The following USP34 variants were observed in gnomAD, a reference collection of about 807,000 sequenced individuals.
USP34 encodes ubiquitin carboxyl-terminal hydrolase 34.
USP34 carries 70 observed loss-of-function variants against 460.3 expected under a neutral mutation model. The ratio of observed to expected loss-of-function variants is 0.15; its 90% CI spans 0.13 to 0.19. The LOEUF is 0.19. Ranked by LOEUF, USP34 falls within the 10% of genes least tolerant of loss-of-function variation. USP34 has a pLI of 1.00. For missense variants in USP34, 3,985 were observed against 4,236.2 expected (o/e 0.94, Z 1.65); for synonymous variants, 1,647 against 1,405.3 (o/e 1.17, Z -3.85).
Position 61,301,449 on chromosome 2 carries a change from G to C in USP34, c.3823C>G (p.Leu1275Val). The part of the protein sequence containing the change: ...SNRKGEFPGG[L>V]MGPVRMISSG... ...GAAATCATCCTGACAGGTCCCATGA[G>C]GCCTCCTTAAAAACAGCAAAACATG... Residue 1275 changes from leucine to valine, a missense_variant, in exon 28 of 80, where the codon CTC (leucine) becomes GTC (valine). Physicochemically the swap from Leu to Val is conservative, Grantham distance 32. This residue lies in a region of USP34 where 1,114 missense variants were observed against 1,122.5 expected (regional missense o/e 0.99). Transcript: ENST00000398571. The C allele has an allele frequency of 6.2e-7, 1 of 1,609,202 alleles. No individual in the cohort carries two copies. Among genetic ancestry groups the C allele is most frequent in the Admixed American group, 1.7e-5 (1 of 58,794 alleles).
Position 61,214,660 on chromosome 2 carries a change from G to A in USP34, c.8082C>T (p.Ser2694=), listed in dbSNP as rs1687351500. ...AAYLLVSLIP[S]NSFRQMFRST... is the part of the protein sequence containing the mutation. Reference sequence around the variant, plus strand: ...ACCGGAACATCTGACGGAATGAATTGCTTGGTATAAGGGACACCAGAAGAT... The same window carrying A: ...ACCGGAACATCTGACGGAATGAATTACTTGGTATAAGGGACACCAGAAGAT... Residue 2694 remains serine, a synonymous_variant, in exon 68 of 80, where the codon AGC becomes AGT. Transcript: ENST00000398571. The A allele has an allele frequency of 6.2e-7, 1 of 1,614,188 alleles. No individual in the cohort carries two copies. Among genetic ancestry groups the A allele is most frequent in the Non-Finnish European group, 8.5e-7 (1 of 1,180,022 alleles).
chr2:61,428,297 A>T (rs949769944), intron 1 of USP34, among the ~76,000 whole-genome samples: 1 of 152,114 alleles, frequency 6.6e-6, no homozygotes, highest in African/African-American at 2.4e-5. Context: ...GTCATTGAAA[A>T]CTGGTTAACA....
intron 3 of USP34, among the ~76,000 whole-genome samples, chr2:61,403,726 G>A (rs563251359): frequency 5.3e-4 from 81 of 152,098 alleles, no homozygotes; most frequent in African/African-American, 1.8e-3. Flanking sequence ...AGCGGCTCAC[G>A]CCTGTAATCC....
At chr2:61,198,173 A>G (rs1686862874) in intron 75 of USP34, among the ~76,000 whole-genome samples, 1 of 152,242 alleles carries the variant, frequency 6.6e-6, no homozygotes, top group Admixed American at 6.5e-5. Flanking sequence ...AAATGAAAGC[A>G]TTCTATAATT....
chr2:61,306,501 C>T (rs1194953992), intron 27 of USP34, among the ~76,000 whole-genome samples: 1 of 152,160 alleles, frequency 6.6e-6, no homozygotes. Flanking sequence ...AGTCAGGTAG[C>T]ATGATGCCTC....
chr2:61,297,492 A>C (rs571838105), intron 29 of USP34, among the ~76,000 whole-genome samples: 23 of 152,362 alleles, frequency 1.5e-4, no homozygotes, highest in Admixed American at 3.3e-4. Context: ...TAAGCTAAAC[A>C]ACGTTTCAAA....
intron 44 of USP34, among the ~76,000 whole-genome samples, chr2:61,259,438 A>G (rs1454681599): frequency 6.6e-6 from 1 of 151,388 alleles, no homozygotes; most frequent in African/African-American, 2.4e-5. Context: ...CCTAGACTCG[A>G]GTGCAGTAGT....
intron 27 of USP34, among the ~76,000 whole-genome samples, chr2:61,306,258 G>A (rs887475385): frequency 1.6e-4 from 25 of 152,180 alleles, no homozygotes; most frequent in Non-Finnish European, 1.5e-5. Context: ...AAGGTGTAAG[G>A]AAGGGATCCA....
At chr2:61,378,191 G>C (rs1198053169) in intron 8 of USP34, among the ~76,000 whole-genome samples, 172 bp downstream of exon 8, 3 of 152,070 alleles carry the variant, frequency 2.0e-5, no homozygotes, top group Non-Finnish European at 4.4e-5. Flanking sequence ...GAGGGAGAGT[G>C]AGTTATGTTA....
chr2:61,296,708 G>A (rs1416420816), intron 30 of USP34, 92 bp downstream of exon 30: 1 of 1,310,908 alleles, frequency 7.6e-7, no homozygotes, highest in Non-Finnish European at 1.0e-6. Flanking sequence ...CAGATTTACT[G>A]AGGGTACATC....
At chr2:61,280,112 G>A in intron 39 of USP34, 132 bp downstream of exon 39, 1 of 487,918 alleles carries the variant, frequency 2.0e-6, no homozygotes, top group Non-Finnish European at 3.5e-6. Context: ...AAATATAGTA[G>A]AAATAGGACA....
intron 3 of USP34, among the ~76,000 whole-genome samples, chr2:61,401,633 C>T (rs1280502245): frequency 2.1e-5 from 3 of 146,028 alleles, no homozygotes; most frequent in Non-Finnish European, 4.5e-5. Context: ...ACTGCAAGCT[C>T]CGCCTCCTGG....
chr2:61,193,993 T>A (rs940095143), intron 75 of USP34: 2 of 430,236 alleles, frequency 4.6e-6, no homozygotes, highest in East Asian at 3.2e-4. Flanking sequence ...TGTCAGAAAA[T>A]ATTCTATATT....
chr2:61,220,177 A>AAATG, intron 67 of USP34, 133 bp downstream of exon 67: 1 of 484,726 alleles, frequency 2.1e-6, no homozygotes, highest in Non-Finnish European at 3.1e-6. Context: ...AAAAAAAAAA[A>AAATG]AAAAAGGAAA....
In USP34 at chr2:61,229,015, A is replaced by G; in HGVS notation, c.7200-20T>C. The stretch of plus-strand genomic sequence containing the variant: ...TCTGACCTAAGAGACAATTAAATAG[A>G]TCTTAGAGAATGTATGAGGTCTGGA... On this transcript the variant is annotated intron_variant, in intron 59 of 79. Coordinates refer to ENST00000398571, the MANE Select transcript of USP34 (RefSeq NM_014709.4). The G allele has an allele frequency of 6.6e-7, 1 of 1,512,834 alleles. No homozygotes were observed. The highest frequency in any genetic ancestry group is 8.9e-7 in the Non-Finnish European group (1 of 1,125,520). The allele number at this position is 1,512,834 out of a possible 1,614,324, so 93.7% of individuals were successfully genotyped here.
intron 10 of USP34, among the ~76,000 whole-genome samples, chr2:61,370,007 A>G (rs1692570859): frequency 6.7e-6 from 1 of 149,976 alleles, no homozygotes; most frequent in Admixed American, 6.7e-5. Context: ...AAAAAACAGT[A>G]CATCAGACAA....
At chr2:61,230,031 A>G (rs1687844241) in intron 58 of USP34, among the ~76,000 whole-genome samples, 1 of 150,404 alleles carries the variant, frequency 6.6e-6, no homozygotes, top group Non-Finnish European at 1.5e-5. Context: ...AGGATTCTTT[A>G]AAGATACACA....
At position 61,208,937 on chromosome 2, in the gene USP34, G is replaced by T. The variant is rs769149806; in HGVS notation, c.8881C>A (p.Leu2961Ile). 14 of 1,595,968 alleles carry T rather than the reference G, an allele frequency of 8.8e-6. No individual in the cohort carries two copies. The highest frequency in any genetic ancestry group is 1.1e-5 in the Non-Finnish European group (13 of 1,171,618). ...ILLESDEDRL[L>I]VVFNRGLILM... ...ATCAATCCTCGATTAAATACAACAA[G>T]AAGTCTGTCTTCATCAGATTCTAAT... is the stretch of plus-strand genomic sequence containing the variant. Residue 2961 changes from leucine (L) to isoleucine (I), a missense_variant, in exon 70 of 80, where the codon CTT becomes ATT. By Grantham distance (5) the Leu-to-Ile change is conservative. Coordinates refer to ENST00000398571, the MANE Select transcript of USP34 (RefSeq NM_014709.4).
chr2:61,349,061 T>G (rs1490579626), intron 13 of USP34, among the ~76,000 whole-genome samples, 175 bp from the exon 14 acceptor site: 1 of 152,212 alleles, frequency 6.6e-6, no homozygotes, highest in Non-Finnish European at 1.5e-5. Flanking sequence ...AGATGTAAGA[T>G]TCAATTAAAA....
Sources: allele counts gnomAD v4.1 joint callset (sites outside exome capture counted in the v4.1 genomes callset), GRCh38; gene constraint gnomAD v4.1.1; regional missense constraint gnomAD v4.1.1; transcripts MANE v1.5; gene names NCBI Gene and HGNC (gene_info 2026-07-23, HGNC 2026-07-21).